GLT1D1: variants seen among roughly 807,000 people sequenced by gnomAD.
The protein encoded by GLT1D1 is glycosyltransferase 1 domain containing 1, also known as glycosyltransferase 1 domain-containing protein 1.
A neutral mutation model predicts 28.7 loss-of-function variants in GLT1D1; 21 were observed. The ratio of observed to expected loss-of-function variants is 0.73; its 90% CI spans 0.52 to 1.05. GLT1D1 has a LOEUF of 1.05. GLT1D1 is among the 50% of genes least tolerant of loss of function. The probability of loss-of-function intolerance (pLI) is 0.00; values close to 1 mark genes in which losing one functional copy is unlikely to be tolerated. For synonymous variants in GLT1D1, 147 were observed against 124.8 expected, an observed-to-expected ratio of 1.18 and a Z score of -1.19; for missense variants, 343 against 330.6, an observed-to-expected ratio of 1.04 and a Z score of -0.29.
chr12:128,909,152 T>C (rs929393544), intron 4 of GLT1D1, among the ~76,000 whole-genome samples: 3 of 152,094 alleles, frequency 2.0e-5, no homozygotes, highest in South Asian at 2.1e-4. Context: ...GTTAAAATGT[T>C]GTGAAGTGTT....
chr12:128,950,612 C>T (rs535648430), intron 6 of GLT1D1, among the ~76,000 whole-genome samples: 6 of 152,216 alleles, frequency 3.9e-5, no homozygotes, highest in Non-Finnish European at 5.9e-5. Flanking sequence ...TGGTGCCCCC[C>T]CCTCACAGAT....
intron 1 of GLT1D1, among the ~76,000 whole-genome samples, chr12:128,860,123 A>G (rs1430949089): frequency 1.3e-5 from 2 of 152,228 alleles, no homozygotes; most frequent in Non-Finnish European, 2.9e-5. Context: ...AAGCAATGTA[A>G]CATTAGCAAC....
intron 4 of GLT1D1, among the ~76,000 whole-genome samples, chr12:128,933,216 T>C (rs1874123029): frequency 6.6e-6 from 1 of 152,246 alleles, no homozygotes; most frequent in Non-Finnish European, 1.5e-5. Flanking sequence ...CCAAGGCCAG[T>C]TTCTAGTTCC....
chr12:128,940,917 C>T (rs539954698), intron 4 of GLT1D1, among the ~76,000 whole-genome samples: 6 of 152,256 alleles, frequency 3.9e-5, no homozygotes, highest in Non-Finnish European at 7.4e-5. Flanking sequence ...TTTTTTCTCT[C>T]CCCAAGAGGA....
intron 3 of GLT1D1, among the ~76,000 whole-genome samples, chr12:128,898,222 G>T (rs182101971): frequency 2.7e-5 from 4 of 150,718 alleles, no homozygotes; most frequent in African/African-American, 9.8e-5. Flanking sequence ...ACCCAAGCTG[G>T]AGTGCAGTGG....
intron 2 of GLT1D1, among the ~76,000 whole-genome samples, chr12:128,879,091 G>A (rs948388316): frequency 2.0e-5 from 3 of 152,212 alleles, no homozygotes; most frequent in African/African-American, 7.2e-5. Flanking sequence ...CAGTCACAAA[G>A]CCTCAGCCCT....
chr12:128,940,386 G>A (rs927355095), intron 4 of GLT1D1, among the ~76,000 whole-genome samples: 3 of 152,106 alleles, frequency 2.0e-5, no homozygotes, highest in Admixed American at 1.3e-4. Context: ...TTACTCCTCC[G>A]AGCAATCCCA....
intron 1 of GLT1D1, 139 bp downstream of exon 1, chr12:128,853,788 T>A: frequency 1.9e-6 from 1 of 517,148 alleles, no homozygotes; most frequent in Non-Finnish European, 2.5e-6. Context: ...CACAAACGGA[T>A]GGGCCGGTGC....
chr12:128,888,339 G>A (rs915634813), intron 2 of GLT1D1, among the ~76,000 whole-genome samples: 1 of 152,120 alleles, frequency 6.6e-6, no homozygotes, highest in African/African-American at 2.4e-5. Context: ...GGAATGATAA[G>A]CTTGGCTTTG....
intron 4 of GLT1D1, among the ~76,000 whole-genome samples, chr12:128,900,773 C>A (rs1363232367): frequency 6.6e-6 from 1 of 151,850 alleles, no homozygotes; most frequent in South Asian, 2.1e-4. Context: ...GTAGCTGGGA[C>A]GACAGGCATG....
intron 3 of GLT1D1, among the ~76,000 whole-genome samples, chr12:128,897,372 TA>T (rs1192719900): frequency 2.0e-5 from 3 of 152,284 alleles, no homozygotes; most frequent in Admixed American, 6.5e-5. Context: ...CAGTAGTTTT[TA>T]AATTTTAATA....
intron 7 of GLT1D1, among the ~76,000 whole-genome samples, chr12:128,960,101 A>C (rs117630201): frequency 6.6e-6 from 1 of 152,180 alleles, no homozygotes; most frequent in Non-Finnish European, 1.5e-5. Flanking sequence ...CCTGTGAGCC[A>C]TCAGACACGA....
intron 4 of GLT1D1, among the ~76,000 whole-genome samples, chr12:128,911,408 T>C (rs961749027): frequency 6.6e-6 from 1 of 152,214 alleles, no homozygotes; most frequent in African/African-American, 2.4e-5. Context: ...GCATACCCCA[T>C]GCAGTGCCGA....
intron 1 of GLT1D1, 91 bp downstream of exon 1, chr12:128,853,740 C>T (rs1403884092): frequency 2.2e-5 from 18 of 828,106 alleles, no homozygotes; most frequent in Non-Finnish European, 1.5e-6. Context: ...CTCAGCCAGG[C>T]CCCCTCCAGC....
chr12:128,884,542 T>C (rs1045742565), intron 2 of GLT1D1, among the ~76,000 whole-genome samples: 2 of 152,154 alleles, frequency 1.3e-5, no homozygotes, highest in African/African-American at 4.8e-5. Flanking sequence ...GGGCCAGGCA[T>C]GGTGGCTCAT....
chr12:128,978,435 C>T (rs900455643), intron 7 of GLT1D1, among the ~76,000 whole-genome samples: 1 of 152,294 alleles, frequency 6.6e-6, no homozygotes, highest in Non-Finnish European at 1.5e-5. Flanking sequence ...TTCCTGTGTG[C>T]GGCATCGTCC....
intron 4 of GLT1D1, among the ~76,000 whole-genome samples, chr12:128,932,657 C>G (rs1008500905): frequency 1.3e-5 from 2 of 152,196 alleles, no homozygotes; most frequent in Non-Finnish European, 2.9e-5. Context: ...CCTGTTGACA[C>G]GCAGCCCCGA....
chr12:128,876,810 C>T (rs373805293), intron 2 of GLT1D1, among the ~76,000 whole-genome samples: 3 of 152,148 alleles, frequency 2.0e-5, no homozygotes, highest in Non-Finnish European at 2.9e-5. Context: ...AGTAAATTCA[C>T]GAGGTTAGTT....
intron 7 of GLT1D1, among the ~76,000 whole-genome samples, chr12:128,969,086 C>T (rs113369886): frequency 1.3e-5 from 2 of 151,882 alleles, no homozygotes; most frequent in Non-Finnish European, 1.5e-5. Flanking sequence ...CTGTAGCCCT[C>T]GTCCTCCTCT....
Sources: allele counts gnomAD v4.1 joint callset (sites outside exome capture counted in the v4.1 genomes callset), GRCh38; gene constraint gnomAD v4.1.1; transcripts MANE v1.5; gene names NCBI Gene and HGNC (gene_info 2026-07-23, HGNC 2026-07-21).